The following PRDM5 variants were observed in gnomAD, a reference collection of about 807,000 sequenced individuals.
PRDM5 encodes PR domain zinc finger protein 5.
Under a neutral mutation model 81.2 loss-of-function variants are expected in PRDM5, and 56 were observed. The observed-to-expected ratio is 0.69, with a 90% CI of 0.56 to 0.86. The LOEUF is 0.86. Ranked by LOEUF, PRDM5 falls within the 40% of genes least tolerant of loss-of-function variation. PRDM5 has a pLI of 0.00. For missense variants in PRDM5, 697 were observed against 770.1 expected (o/e 0.91, Z 1.12); for synonymous variants, 267 against 256.4 (o/e 1.04, Z -0.39).
chr4:120,767,158 A>G (rs1746501341), intron 13 of PRDM5, among the ~76,000 whole-genome samples: 1 of 152,236 alleles, frequency 6.6e-6, no homozygotes, highest in Admixed American at 6.5e-5. Context: ...AAAAAATAAA[A>G]ACATAAATAC....
intron 14 of PRDM5, among the ~76,000 whole-genome samples, chr4:120,711,365 C>G (rs1224105817): frequency 6.6e-6 from 1 of 152,156 alleles, no homozygotes; most frequent in Non-Finnish European, 1.5e-5. Context: ...GTGGCACGAC[C>G]TTGGCTCACT....
chr4:120,808,555 G>T (rs62325581), intron 8 of PRDM5, among the ~76,000 whole-genome samples: 1 of 152,234 alleles, frequency 6.6e-6, no homozygotes, highest in African/African-American at 2.4e-5. Flanking sequence ...TCACCCAGTG[G>T]ATCCTACACT....
chr4:120,816,335 T>C, intron 7 of PRDM5, 118 bp downstream of exon 7: 1 of 1,543,372 alleles, frequency 6.5e-7, no homozygotes, highest in Non-Finnish European at 8.9e-7. Flanking sequence ...GCGCTCCACA[T>C]CTGTGTGAAA....
intron 14 of PRDM5, among the ~76,000 whole-genome samples, chr4:120,736,666 A>T (rs1207028698): frequency 6.6e-6 from 1 of 152,068 alleles, no homozygotes; most frequent in Non-Finnish European, 1.5e-5. Flanking sequence ...GTTATCGGAC[A>T]CTCTCAGGCA....
At chr4:120,801,369 A>G (rs1752095717) in intron 8 of PRDM5, among the ~76,000 whole-genome samples, 1 of 152,220 alleles carries the variant, frequency 6.6e-6, no homozygotes, top group Middle Eastern at 3.2e-3. Flanking sequence ...AGGCAGGGAA[A>G]CAGATGCAGG....
intron 8 of PRDM5, among the ~76,000 whole-genome samples, chr4:120,806,175 A>G (rs992140346): frequency 3.9e-5 from 6 of 152,216 alleles, no homozygotes; most frequent in African/African-American, 1.4e-4. Flanking sequence ...AGAAGCACAA[A>G]CCACTGCTCA....
At chr4:120,785,331 T>A (rs202060399) in intron 10 of PRDM5, among the ~76,000 whole-genome samples, 5 of 136,296 alleles carry the variant, frequency 3.7e-5, no homozygotes, top group East Asian at 2.5e-4. Flanking sequence ...AAAAAAAAAA[T>A]ATTCCTATTA....
At chr4:120,711,802 T>C (rs1046183268) in intron 14 of PRDM5, among the ~76,000 whole-genome samples, 1 of 152,130 alleles carries the variant, frequency 6.6e-6, no homozygotes, top group Middle Eastern at 3.4e-3. Context: ...GTCATCTAAG[T>C]TTTATCACCA....
At chr4:120,708,869 G>C (rs866530159) in intron 15 of PRDM5, among the ~76,000 whole-genome samples, 2 of 152,092 alleles carry the variant, frequency 1.3e-5, no homozygotes, top group Admixed American at 6.5e-5. Flanking sequence ...AAGAGGACAA[G>C]ATTTTGGAGC....
chr4:120,815,556 T>G (rs1297472506), intron 7 of PRDM5, among the ~76,000 whole-genome samples: 1 of 152,204 alleles, frequency 6.6e-6, no homozygotes, highest in Non-Finnish European at 1.5e-5. Flanking sequence ...AAATACAGGA[T>G]ACAGATGCTG....
intron 14 of PRDM5, 113 bp from the exon 15 acceptor site, chr4:120,710,526 G>A: frequency 2.4e-6 from 2 of 846,792 alleles, no homozygotes; most frequent in Non-Finnish European, 3.9e-6. Context: ...AAATTTACAG[G>A]TATGCTGATA....
downstream of PRDM5, among the ~76,000 whole-genome samples, chr4:120,690,428 G>A (rs1733995351): frequency 6.6e-6 from 1 of 152,004 alleles, no homozygotes; most frequent in African/African-American, 2.4e-5. Flanking sequence ...AGCCATCATC[G>A]CGGACTGAAA....
chr4:120,690,694 C>CCA (rs1353697075), downstream of PRDM5, among the ~76,000 whole-genome samples: 1,880 of 152,120 alleles, frequency 0.012, 36 homozygotes, highest in African/African-American at 0.043. Context: ...AGCTGGGACT[C>CCA]TCTTCATTTT....
chr4:120,720,760 G>A (rs1738484839), intron 14 of PRDM5, among the ~76,000 whole-genome samples: 1 of 152,172 alleles, frequency 6.6e-6, no homozygotes, highest in African/African-American at 2.4e-5. Context: ...CATACCCATG[G>A]CCTAGTAAAC....
chr4:120,907,666 G>C (rs1765989303), intron 1 of PRDM5, 109 bp from the exon 2 acceptor site: 1 of 846,068 alleles, frequency 1.2e-6, no homozygotes, highest in Middle Eastern at 2.2e-4. Context: ...CATGCCCAAA[G>C]AAGAGATGCT....
intron 2 of PRDM5, among the ~76,000 whole-genome samples, chr4:120,853,905 G>A (rs1383954246): frequency 6.6e-6 from 1 of 152,122 alleles, no homozygotes; most frequent in Non-Finnish European, 1.5e-5. Context: ...AAAGAGAAGG[G>A]TCATACTGCT....
At chr4:120,741,877 G>C (rs1578547297) in intron 14 of PRDM5, among the ~76,000 whole-genome samples, 1 of 152,214 alleles carries the variant, frequency 6.6e-6, no homozygotes, top group Non-Finnish European at 1.5e-5. Context: ...GCCCAGGCTT[G>C]CTTAGGTAAA....
intron 10 of PRDM5, among the ~76,000 whole-genome samples, chr4:120,791,105 G>A (rs1750510489): frequency 6.6e-6 from 1 of 152,192 alleles, no homozygotes; most frequent in African/African-American, 2.4e-5. Flanking sequence ...TTAAGAGAAA[G>A]TAGAGCTTTT....
chr4:120,741,674 C>G (rs1457877482), intron 14 of PRDM5, among the ~76,000 whole-genome samples: 3 of 152,048 alleles, frequency 2.0e-5, no homozygotes, highest in African/African-American at 7.2e-5. Context: ...ACGGACAGCA[C>G]CTGGAAAATA....
Sources: allele counts gnomAD v4.1 joint callset (sites outside exome capture counted in the v4.1 genomes callset), GRCh38; gene constraint gnomAD v4.1.1; transcripts MANE v1.5; gene names NCBI Gene and HGNC (gene_info 2026-07-23, HGNC 2026-07-21).